Variants in KIRREL2 observed in about 807,000 individuals in gnomAD.
The protein encoded by KIRREL2 is kin of IRRE-like protein 2.
KIRREL2 carries 56 observed loss-of-function variants against 73.4 expected under a neutral mutation model. The observed-to-expected ratio is 0.76, with a 90% CI of 0.62 to 0.95. The LOEUF is 0.95. Among genes scored for constraint, KIRREL2 ranks in the 40% least tolerant of loss-of-function variants. The pLI is 0.00. For missense variants in KIRREL2, 896 were observed against 935.0 expected (o/e 0.96, Z 0.54); for synonymous variants, 407 against 404.0 (o/e 1.01, Z -0.09).
upstream of KIRREL2, among the ~76,000 whole-genome samples, chr19:35,855,249 G>T (rs1940431608): frequency 6.6e-6 from 1 of 152,056 alleles, no homozygotes; most frequent in African/African-American, 2.4e-5. Context: ...TCGCCAGATG[G>T]TGTCCCTAGG....
rs1973624641 is a variant in KIRREL2 at position 35,860,598 on chromosome 19, G to A, written c.859G>A (p.Glu287Lys). The change falls in exon 7 of 15, where the codon GAG becomes AAG. Residue 287 changes from glutamate to lysine, a missense_variant. Physicochemically the swap from Glu to Lys is moderately conservative, Grantham distance 56 (BLOSUM62 1). Coordinates refer to ENST00000360202, the MANE Select transcript of KIRREL2 (RefSeq NM_199180.4). ...EVVADASFLTEPVSCEVSNAV... is the reference protein window; with the variant it reads ...EVVADASFLTKPVSCEVSNAV... Reference sequence around the variant, plus strand: ...CGTGGCAGACGCCTCGTTCCTGACTGAGCCCGTGTCCTGCGAGGTCAGCAA... The same window carrying A: ...CGTGGCAGACGCCTCGTTCCTGACTAAGCCCGTGTCCTGCGAGGTCAGCAA... The A allele has an allele frequency of 6.2e-7, 1 of 1,603,796 alleles. No individual in the cohort carries two copies. Among genetic ancestry groups the A allele is most frequent in the Non-Finnish European group, 8.5e-7 (1 of 1,179,964 alleles).
chr19:35,856,390 G>A (rs769527740), upstream of KIRREL2, among the ~76,000 whole-genome samples: 2 of 152,236 alleles, frequency 1.3e-5, no homozygotes, highest in Non-Finnish European at 2.9e-5. The surrounding 1 kb of genome is among the most constrained non-coding windows in gnomAD (Gnocchi z 5.9). Context: ...GTAGTTTGCA[G>A]CAATAACAAG....
rs776763602 is a variant in KIRREL2, at chr19:35,866,491, G to A, written c.2126G>A (p.Ter709=). The A allele has an allele frequency of 1.2e-6, 2 of 1,613,538 alleles. No homozygotes were observed. The highest frequency in any genetic ancestry group is 1.7e-6 in the Non-Finnish European group (2 of 1,179,738). ...PSHPRLQTHV[*] ...CACCCGCGTCTCCAGACTCACGTGTGACATCTTTCCAATGGAAGAGTCCTG... is the reference window on the plus strand; with the variant it reads ...CACCCGCGTCTCCAGACTCACGTGTAACATCTTTCCAATGGAAGAGTCCTG... The change falls in exon 15 of 15, where the codon TGA becomes TAA. Residue 709 remains the stop codon, a stop_retained_variant. Coordinates refer to ENST00000360202, the MANE Select transcript of KIRREL2 (RefSeq NM_199180.4).
intron 7 of KIRREL2, 56 bp from the exon 8 acceptor site, chr19:35,860,853 C>T (rs1599862564): frequency 6.2e-7 from 1 of 1,610,590 alleles, no homozygotes; most frequent in Non-Finnish European, 8.5e-7. Flanking sequence ...TGGCTGATCC[C>T]AGGTCAGTGG....
intron 5 of KIRREL2, among the ~76,000 whole-genome samples, 198 bp from the exon 6 acceptor site, chr19:35,860,099 G>A (rs1284461718): frequency 6.6e-6 from 1 of 152,158 alleles, no homozygotes; most frequent in Non-Finnish European, 1.5e-5. Context: ...ACATCGGGGA[G>A]ACTAGGAGAG....
In KIRREL2 at chr19:35,856,966, A is replaced by G; in HGVS notation, c.-154A>G. The G allele has an allele frequency of 1.3e-6, 1 of 789,348 alleles. No individual in the cohort carries two copies. Among genetic ancestry groups the G allele is most frequent in the Non-Finnish European group, 2.2e-6 (1 of 453,322 alleles). The allele number at this position is 789,348 out of a possible 1,614,324, so 48.9% of individuals were successfully genotyped here. ...TTCAGAGCGTCAGAGGCTGCGGATG[A>G]GCAGACTTGGAGGACTCCAGGCCAG... On this transcript the variant is annotated 5_prime_UTR_variant, in exon 1 of 15. Transcript: ENST00000360202. The surrounding 1 kb of genome is among the most constrained non-coding windows in gnomAD (Gnocchi z 5.9).
intron 7 of KIRREL2, 121 bp downstream of exon 7, chr19:35,860,788 G>A: frequency 1.3e-6 from 2 of 1,580,116 alleles, no homozygotes; most frequent in Non-Finnish European, 1.7e-6. Flanking sequence ...GAGGAGGAGA[G>A]TGTGGAGCTG....
chr19:35,861,781 G>A (rs778409532), intron 10 of KIRREL2, 24 bp from the exon 11 acceptor site: 1 of 1,588,882 alleles, frequency 6.3e-7, no homozygotes, highest in Admixed American at 1.8e-5. Context: ...TCTCCTCCGT[G>A]TCCTCCCTCT....
At position 35,860,986 on chromosome 19, in the gene KIRREL2, C is replaced by A. The variant is rs745966676; in HGVS notation, c.1006C>A (p.Arg336Ser). 8 of 1,612,970 alleles carry A rather than the reference C, an allele frequency of 5.0e-6. No homozygotes were observed. Among genetic ancestry groups the A allele is most frequent in the Non-Finnish European group, 6.8e-6 (8 of 1,179,676 alleles). ...GEDASFSCAW[R>S]GNPLPRVTWT... ...AGACGCTTCCTTCAGCTGCGCCTGG[C>A]GCGGGAACCCGCTTCCACGGGTAAC... The change falls in exon 8 of 15, where the codon CGC becomes AGC. Residue 336 changes from arginine (R) to serine (S), a missense_variant. Coordinates refer to ENST00000360202, the MANE Select transcript of KIRREL2 (RefSeq NM_199180.4).
Position 35,859,619 on chromosome 19 carries a change from C to T in KIRREL2, c.661C>T (p.Leu221=). The change falls in exon 5 of 15, where the codon CTG becomes TTG. Residue 221 remains leucine, a synonymous_variant. Transcript: ENST00000360202. Reference sequence around the variant, plus strand: ...CACAGGAAGAGACACAGCTATCACACTGAGCCTGCAGTGTGAGTGCAGCTG... The same window carrying T: ...CACAGGAAGAGACACAGCTATCACATTGAGCCTGCAGTGTGAGTGCAGCTG... ...LPTGRDTAIT[L]SLQYPPEVTL... is the part of the protein sequence containing the mutation. 3 of 1,613,948 alleles carry T rather than the reference C, an allele frequency of 1.9e-6. No individual in the cohort carries two copies. The highest frequency in any genetic ancestry group is 2.5e-6 in the Non-Finnish European group (3 of 1,180,028).
Position 35,866,805 on chromosome 19 carries a change from G to A in KIRREL2, c.*313G>A, listed in dbSNP as rs1973992252. On this transcript the variant is annotated 3_prime_UTR_variant, in exon 15 of 15. Coordinates refer to ENST00000360202, the MANE Select transcript of KIRREL2 (RefSeq NM_199180.4). ...GTGTTGGGAGTTTGGGGCCGGGATG[G>A]AAGTTGTTTCTAGCCACTGAAAGAA... 2 of 497,222 alleles carry A rather than the reference G, an allele frequency of 4.0e-6. No homozygotes were observed. The highest frequency in any genetic ancestry group is 7.0e-6 in the Non-Finnish European group (2 of 285,666). The allele number at this position is 497,222 out of a possible 1,614,324, so 30.8% of individuals were successfully genotyped here.
Position 35,862,973 on chromosome 19 carries a change from C to T in KIRREL2, c.1662C>T (p.Gly554=). Residue 554 remains glycine (G), a synonymous_variant, in exon 13 of 15, where the codon GGC becomes GGT. Transcript: ENST00000360202. ...SEQKNLMRIP[G]SSDGSSSRGP... is the part of the protein sequence containing the mutation. ...AAAAGAACCTGATGCGAATCCCTGG[C>T]AGCAGCGACGGCTCCAGTTCACGAG... is the stretch of plus-strand genomic sequence containing the variant. The T allele has an allele frequency of 1.3e-6, 2 of 1,592,840 alleles. No individual in the cohort carries two copies. The highest frequency in any genetic ancestry group is 1.1e-5 in the South Asian group (1 of 87,280).
chr19:35,856,729 C>G, upstream of KIRREL2: 1 of 364,312 alleles, frequency 2.7e-6, no homozygotes, highest in South Asian at 2.4e-5. The surrounding 1 kb of genome is among the most constrained non-coding windows in gnomAD (Gnocchi z 5.9). Flanking sequence ...CTCCTCGAAC[C>G]CAGGTGTTCC....
chr19:35,862,490 C>T lies in KIRREL2; in HGVS notation c.1511-3C>T. 1.2e-6 allele frequency: 2 copies of T among 1,607,354 alleles called. No homozygotes were observed. Among genetic ancestry groups the T allele is most frequent in the South Asian group, 1.1e-5 (1 of 91,068 alleles). The stretch of plus-strand genomic sequence containing the variant: ...CTCAGGATGTCCCCTCTGCTCCCTG[C>T]AGACTTGCTGCCCACTGTGCGGATA... On this transcript the variant is annotated splice_region_variant and splice_polypyrimidine_tract_variant and intron_variant, in intron 11 of 14. Transcript: ENST00000360202.
intron 9 of KIRREL2, 128 bp from the exon 10 acceptor site, chr19:35,861,413 G>C: frequency 6.9e-7 from 1 of 1,449,224 alleles, no homozygotes; most frequent in Non-Finnish European, 9.4e-7. Flanking sequence ...TAGGAGAATC[G>C]GAGTTTGGAG....
intron 13 of KIRREL2, among the ~76,000 whole-genome samples, chr19:35,863,710 C>T (rs1973815910): frequency 6.6e-6 from 1 of 152,110 alleles, no homozygotes; most frequent in Non-Finnish European, 1.5e-5. Context: ...CCTCGACCTC[C>T]CAAAGTGCTA....
intron 1 of KIRREL2, 46 bp from the exon 2 acceptor site, chr19:35,857,299 C>T (rs1364135346): frequency 6.2e-7 from 1 of 1,610,644 alleles, no homozygotes; most frequent in East Asian, 2.2e-5. Flanking sequence ...AATGAGGAGG[C>T]CCCTGAAGGT....
chr19:35,858,580 C>A (rs748939907), intron 3 of KIRREL2, 23 bp downstream of exon 3: 1 of 1,613,146 alleles, frequency 6.2e-7, no homozygotes, highest in African/African-American at 1.3e-5. Context: ...CCCACTTGTC[C>A]CCTGGGAGCC....
chr19:35,864,301 T>C (rs749928158), intron 13 of KIRREL2, among the ~76,000 whole-genome samples: 3 of 152,088 alleles, frequency 2.0e-5, no homozygotes, highest in Non-Finnish European at 4.4e-5. Flanking sequence ...GTGATTCTCG[T>C]TCCTTAGCCT....
Sources: gnomAD v4.1 joint callset for allele counts (sites outside exome capture counted in the v4.1 genomes callset) on GRCh38, gnomAD v4.1.1 for gene constraint, Gnocchi (gnomAD v3.1) non-coding constraint, MANE v1.5 for transcripts, NCBI Gene and HGNC (gene_info 2026-07-23, HGNC 2026-07-21) for gene names.